Variants in ZFHX3 observed in about 807,000 individuals in gnomAD.
ZFHX3 encodes zinc finger homeobox protein 3.
In ZFHX3, 42 loss-of-function variants were observed where a neutral mutation model predicts 279.1. That is an observed-to-expected ratio of 0.15 (90% CI 0.12 to 0.19). The LOEUF (loss-of-function observed/expected upper bound fraction) is 0.19. ZFHX3 is among the 10% of genes least tolerant of loss of function. The probability of loss-of-function intolerance (pLI) is 1.00; values close to 1 mark genes in which losing one functional copy is unlikely to be tolerated. For missense variants in ZFHX3, 4,981 were observed against 4,754.0 expected, an observed-to-expected ratio of 1.05 and a Z score of -1.40; for synonymous variants, 2,293 against 1,957.8, an observed-to-expected ratio of 1.17 and a Z score of -4.52.
intron 5 of ZFHX3, 65 bp downstream of exon 5, chr16:72,829,714 G>C: frequency 6.4e-7 from 1 of 1,567,578 alleles, no homozygotes; most frequent in Non-Finnish European, 8.8e-7. Flanking sequence ...TCCAGGGAAG[G>C]AAAGATGAGA....
At chr16:73,072,003 T>G (rs373232635) in intron 8 of ZFHX3, among the ~76,000 whole-genome samples, 1 of 152,142 alleles carries the variant, frequency 6.6e-6, no homozygotes, top group African/African-American at 2.4e-5. Flanking sequence ...AAGTGGGACA[T>G]GGAAGAAGAT....
At chr16:73,891,881 G>A (rs1254227089), upstream of ZFHX3, 1 of 152,044 alleles carries the variant, frequency 6.6e-6, no homozygotes, top group African/African-American at 2.4e-5. Context: ...CAGGGCTACA[G>A]GGGGAGGGAA....
intron 4 of ZFHX3, among the ~76,000 whole-genome samples, chr16:73,299,503 A>G (rs918404416): frequency 2.6e-5 from 4 of 152,168 alleles, no homozygotes; most frequent in Non-Finnish European, 5.9e-5. Context: ...GCCACCGCTG[A>G]TTCTGTTGAC....
At chr16:73,532,098 T>TAA (rs796511682) in intron 2 of ZFHX3, among the ~76,000 whole-genome samples, 2 of 146,046 alleles carry the variant, frequency 1.4e-5, no homozygotes, top group African/African-American at 5.0e-5. Flanking sequence ...TAAAAAAGAT[T>TAA]AAAAAAAAAA....
chr16:72,996,060 GAGTT>G (rs1394164022), intron 1 of ZFHX3, among the ~76,000 whole-genome samples: 1 of 151,866 alleles, frequency 6.6e-6, no homozygotes, highest in Non-Finnish European at 1.5e-5. Flanking sequence ...CTGAGGTCAG[GAGTT>G]CCAGACCAGC....
chr16:73,723,600 C>A (rs1275869412), intron 1 of ZFHX3, among the ~76,000 whole-genome samples: 4 of 152,094 alleles, frequency 2.6e-5, no homozygotes, highest in Non-Finnish European at 5.9e-5. Context: ...TCATAGTGGT[C>A]ATCACATAAA....
At chr16:72,901,671 GAC>G (rs2039040067) in intron 3 of ZFHX3, among the ~76,000 whole-genome samples, 2 of 152,196 alleles carry the variant, frequency 1.3e-5, no homozygotes, top group South Asian at 4.1e-4. Flanking sequence ...GGTTGAAAGA[GAC>G]AGACTTGTCG....
At chr16:73,853,279 G>T (rs1961634525) in intron 1 of ZFHX3, among the ~76,000 whole-genome samples, 1 of 152,142 alleles carries the variant, frequency 6.6e-6, no homozygotes, top group African/African-American at 2.4e-5. Flanking sequence ...ATTTCTCAAA[G>T]AACTAAAAAT....
At chr16:73,163,141 G>C (rs1285252918) in intron 5 of ZFHX3, among the ~76,000 whole-genome samples, 2 of 152,150 alleles carry the variant, frequency 1.3e-5, no homozygotes, top group Non-Finnish European at 2.9e-5. Context: ...GTTTAACTCT[G>C]CCTGGCTTGA....
intron 3 of ZFHX3, among the ~76,000 whole-genome samples, chr16:72,903,270 G>C (rs920006277): frequency 1.3e-5 from 2 of 152,210 alleles, no homozygotes; most frequent in African/African-American, 4.8e-5. Context: ...CTCAAAGTGT[G>C]GCTCCTCAAC....
At chr16:72,818,991 T>C (rs1336010904) in intron 5 of ZFHX3, among the ~76,000 whole-genome samples, 1 of 152,212 alleles carries the variant, frequency 6.6e-6, no homozygotes, top group Non-Finnish European at 1.5e-5. Flanking sequence ...CCAACTTAAA[T>C]ATGAACAAAA....
rs762513291 is a variant in ZFHX3 at position 72,787,743 on chromosome 16, A to ACCGCCG, written c.10527_10532dup (p.Gly3511_Gly3512dup). On this transcript the variant is annotated inframe_insertion, in exon 10 of 10. Transcript: ENST00000268489. ...CACCGCCGCCGCCGCCGCCACTGCCACCGCCGCCGCCGCCGGTGGGGACGT... is the reference window on the plus strand; with the variant it reads ...CACCGCCGCCGCCGCCGCCACTGCCACCGCCGCCGCCGCCGCCGCCGGTGGGGACGT... 3.1e-4 allele frequency: 427 copies of ACCGCCG among 1,376,154 alleles called. 1 individual carries two copies. The highest frequency in any genetic ancestry group is 6.7e-4 in the East Asian group (24 of 35,674). 85.2% of individuals were successfully genotyped at this position (1,376,154 alleles called of 1,614,324 possible).
chr16:73,480,504 T>A (rs1178573545), intron 2 of ZFHX3, among the ~76,000 whole-genome samples: 1 of 152,150 alleles, frequency 6.6e-6, no homozygotes, highest in Non-Finnish European at 1.5e-5. Flanking sequence ...TCCTGGGTGG[T>A]AAGTCTCTGG....
intron 3 of ZFHX3, among the ~76,000 whole-genome samples, chr16:73,439,087 A>T (rs114168434): frequency 0.011 from 1,600 of 152,294 alleles, 23 homozygotes; most frequent in African/African-American, 0.036. Flanking sequence ...TCCTCCCTAA[A>T]CCAAAGCAAA....
intron 2 of ZFHX3, among the ~76,000 whole-genome samples, chr16:73,660,156 C>A (rs902416239): frequency 1.3e-5 from 2 of 152,130 alleles, no homozygotes; most frequent in South Asian, 4.1e-4. Context: ...AGGGAAAATA[C>A]AAGGAGGGCT....
intron 1 of ZFHX3, among the ~76,000 whole-genome samples, chr16:73,009,511 T>C (rs965754707): frequency 6.6e-6 from 1 of 152,046 alleles, no homozygotes; most frequent in African/African-American, 2.4e-5. Context: ...GAAAAATGAG[T>C]ATACTAGCCT....
chr16:72,966,532 G>C (rs1961849538), intron 1 of ZFHX3, among the ~76,000 whole-genome samples: 1 of 152,184 alleles, frequency 6.6e-6, no homozygotes, highest in African/African-American at 2.4e-5. Context: ...GTACCTGTTG[G>C]AGCTCAGCAG....
At chr16:73,806,717 T>C (rs1960286291) in intron 1 of ZFHX3, among the ~76,000 whole-genome samples, 1 of 152,192 alleles carries the variant, frequency 6.6e-6, no homozygotes, top group African/African-American at 2.4e-5. Flanking sequence ...TTTAAAATCA[T>C]CATTTAACAG....
intron 5 of ZFHX3, among the ~76,000 whole-genome samples, chr16:72,818,762 AAC>A (rs1168697625): frequency 6.6e-6 from 1 of 152,172 alleles, no homozygotes; most frequent in East Asian, 1.9e-4. Flanking sequence ...TTCTATTCAA[AAC>A]ACAGTCTTAT....
Sources: gnomAD v4.1 joint callset for allele counts (sites outside exome capture counted in the v4.1 genomes callset) on GRCh38, gnomAD v4.1.1 for gene constraint, MANE v1.5 for transcripts, NCBI Gene and HGNC (gene_info 2026-07-23, HGNC 2026-07-21) for gene names.